Variants in HS3ST4 observed in about 807,000 individuals in gnomAD.
HS3ST4 encodes the protein heparan sulfate glucosamine 3-O-sulfotransferase 4.
A neutral mutation model predicts 29.2 loss-of-function variants in HS3ST4; 17 were observed. The ratio of observed to expected loss-of-function variants is 0.58; its 90% confidence interval spans 0.40 to 0.87. The LOEUF is 0.87. Among genes scored for constraint, HS3ST4 ranks in the 40% least tolerant of loss-of-function variants. The pLI is 0.00. For missense variants in HS3ST4, 627 were observed against 634.5 expected, an observed-to-expected ratio of 0.99 and a Z score of 0.13; for synonymous variants, 314 against 285.7, an observed-to-expected ratio of 1.10 and a Z score of -1.00.
At chr16:25,733,685 G>A (rs1290151157) in intron 1 of HS3ST4, among the ~76,000 whole-genome samples, 2 of 152,082 alleles carry the variant, frequency 1.3e-5, no homozygotes, top group Non-Finnish European at 1.5e-5. Flanking sequence ...TATGAATCTG[G>A]GGGGCGGGGG....
chr16:26,094,334 G>A (rs1290030516), intron 1 of HS3ST4, among the ~76,000 whole-genome samples: 2 of 152,136 alleles, frequency 1.3e-5, no homozygotes, highest in African/African-American at 4.8e-5. Flanking sequence ...AGGTTGAAAT[G>A]AAGGAAAAAA....
intron 1 of HS3ST4, among the ~76,000 whole-genome samples, chr16:25,977,633 G>A (rs780671194): frequency 9.9e-5 from 15 of 152,152 alleles, no homozygotes; most frequent in East Asian, 1.9e-4. Flanking sequence ...TGAAAACCCT[G>A]TTCCCAAACA....
At chr16:25,919,212 G>A (rs193037961) in intron 1 of HS3ST4, among the ~76,000 whole-genome samples, 1 of 151,934 alleles carries the variant, frequency 6.6e-6, no homozygotes, top group East Asian at 1.9e-4. Context: ...ATTTTTTTTT[G>A]TAGAGGCAAG....
At chr16:26,003,977 A>T (rs1969234526) in intron 1 of HS3ST4, among the ~76,000 whole-genome samples, 1 of 151,746 alleles carries the variant, frequency 6.6e-6, no homozygotes, top group Admixed American at 6.6e-5. Flanking sequence ...CCTAATCCCA[A>T]TTTCTCCCAT....
chr16:25,895,647 C>A (rs1268377434), intron 1 of HS3ST4, among the ~76,000 whole-genome samples: 2 of 151,982 alleles, frequency 1.3e-5, no homozygotes, highest in Non-Finnish European at 2.9e-5. Context: ...TAGGTCAAGA[C>A]CCTGGAAGAT....
chr16:25,831,019 C>G (rs1158659259), intron 1 of HS3ST4, among the ~76,000 whole-genome samples: 2 of 152,202 alleles, frequency 1.3e-5, no homozygotes, highest in Non-Finnish European at 2.9e-5. Context: ...CTCTTCCTCC[C>G]TGCACTTCAG....
In HS3ST4 at chr16:25,970,384, G is replaced by A. The variant is rs975933054; in HGVS notation, c.735-165228G>A. Reference sequence around the variant, plus strand: ...CCCCTCCATTATTTTAAAGTGAAAGGAGAGTTGTGGCCTATGAATAATCAT... The same window carrying A: ...CCCCTCCATTATTTTAAAGTGAAAGAAGAGTTGTGGCCTATGAATAATCAT... On this transcript the variant is annotated intron_variant, in intron 1 of 1. Coordinates refer to ENST00000331351, the MANE Select transcript of HS3ST4 (RefSeq NM_006040.3). Among the ~76,000 whole-genome samples, 4 of 152,214 alleles carry A rather than the reference G, an allele frequency of 2.6e-5. No homozygotes were observed. The East Asian group carries it at 5.8e-4, about 22-fold the overall frequency.
intron 1 of HS3ST4, among the ~76,000 whole-genome samples, chr16:25,918,799 CCG>C (rs886373063): frequency 5.9e-5 from 9 of 152,118 alleles, no homozygotes; most frequent in Non-Finnish European, 1.3e-4. Flanking sequence ...AGCCAAGACT[CCG>C]TCTCAAAAAA....
At chr16:26,038,446 A>G (rs916234868) in intron 1 of HS3ST4, among the ~76,000 whole-genome samples, 6 of 151,994 alleles carry the variant, frequency 3.9e-5, no homozygotes, top group Non-Finnish European at 8.8e-5. Context: ...TCCCCACTAT[A>G]GCCCCAGCAC....
chr16:25,853,589 T>G (rs1248992681), intron 1 of HS3ST4, among the ~76,000 whole-genome samples: 1 of 152,194 alleles, frequency 6.6e-6, no homozygotes, highest in Non-Finnish European at 1.5e-5. Context: ...ATACCTATAT[T>G]GTTGAAAGTT....
intron 1 of HS3ST4, among the ~76,000 whole-genome samples, chr16:26,024,698 C>T (rs1249109414): frequency 2.0e-5 from 3 of 152,180 alleles, no homozygotes; most frequent in Admixed American, 1.3e-4. Flanking sequence ...TGCCACTGCC[C>T]TCCAGCCTGG....
At chr16:26,032,133 C>T (rs1969536869) in intron 1 of HS3ST4, among the ~76,000 whole-genome samples, 1 of 152,266 alleles carries the variant, frequency 6.6e-6, no homozygotes, top group African/African-American at 2.4e-5. Context: ...GGGGTCAGGT[C>T]CCAACAGATG....
At chr16:25,948,390 T>TG (rs1463123348) in intron 1 of HS3ST4, among the ~76,000 whole-genome samples, 1 of 152,148 alleles carries the variant, frequency 6.6e-6, no homozygotes, top group Non-Finnish European at 1.5e-5. Context: ...GGATGAAGGT[T>TG]GTTGGCTGGT....
chr16:25,963,025 G>T, intron 1 of HS3ST4, among the ~76,000 whole-genome samples: 1 of 152,114 alleles, frequency 6.6e-6, no homozygotes, highest in East Asian at 1.9e-4. Context: ...CGAAGAGAAT[G>T]CCAGGGTTAA....
At chr16:25,773,884 T>G (rs886283265) in intron 1 of HS3ST4, among the ~76,000 whole-genome samples, 37 of 152,158 alleles carry the variant, frequency 2.4e-4, no homozygotes, top group Non-Finnish European at 1.5e-4. Context: ...GACTTCAAGA[T>G]AGAGTGACCT....
intron 1 of HS3ST4, among the ~76,000 whole-genome samples, chr16:25,927,522 A>G (rs192473810): frequency 6.6e-6 from 1 of 152,296 alleles, no homozygotes; most frequent in African/African-American, 2.4e-5. Flanking sequence ...TTCCCGTGAC[A>G]GCTTTGATCA....
At chr16:26,034,668 CGG>C (rs143831757) in intron 1 of HS3ST4, among the ~76,000 whole-genome samples, 12 of 94,508 alleles carry the variant, frequency 1.3e-4, no homozygotes, top group African/African-American at 2.8e-4. Flanking sequence ...ATAGCAGGGG[CGG>C]GGGGGGGTCT....
intron 1 of HS3ST4, among the ~76,000 whole-genome samples, chr16:25,950,357 T>C (rs1017686597): frequency 4.6e-5 from 7 of 152,136 alleles, no homozygotes; most frequent in African/African-American, 1.4e-4. Context: ...TAGTCATTTT[T>C]GTGCTTTCCC....
chr16:26,089,298 G>A (rs758703447), intron 1 of HS3ST4, among the ~76,000 whole-genome samples: 1 of 152,194 alleles, frequency 6.6e-6, no homozygotes, highest in Non-Finnish European at 1.5e-5. Flanking sequence ...CATGCTGGGA[G>A]GTGGAAGGGC....
Sources: gnomAD v4.1 joint callset for allele counts (sites outside exome capture counted in the v4.1 genomes callset) on GRCh38, gnomAD v4.1.1 for gene constraint, MANE v1.5 for transcripts, NCBI Gene and HGNC (gene_info 2026-07-23, HGNC 2026-07-21) for gene names.